CALN1: variants seen among roughly 807,000 people sequenced by gnomAD.
CALN1 encodes calneuron 1.
Under a neutral mutation model 30.6 loss-of-function variants are expected in CALN1, and 17 were observed. The ratio of observed to expected loss-of-function variants is 0.56; its 90% CI spans 0.38 to 0.83. CALN1 has a LOEUF of 0.83. CALN1 is among the 40% of genes least tolerant of loss of function. The pLI is 0.00. For missense variants in CALN1, 291 were observed against 354.9 expected, an observed-to-expected ratio of 0.82 and a Z score of 1.45; for synonymous variants, 156 against 131.4, an observed-to-expected ratio of 1.19 and a Z score of -1.28.
chr7:71,905,382 GTTTTTTTTT>G (rs57155520), intron 5 of CALN1, among the ~76,000 whole-genome samples: 3 of 145,356 alleles, frequency 2.1e-5, no homozygotes, highest in African/African-American at 7.6e-5. Context: ...CTAATGTGTA[GTTTTTTTTT>G]TTTTTATCTC....
chr7:72,330,619 G>A (rs1203168350), intron 2 of CALN1, among the ~76,000 whole-genome samples: 1 of 152,116 alleles, frequency 6.6e-6, no homozygotes, highest in Non-Finnish European at 1.5e-5. Context: ...ATCTCTGTCT[G>A]ACGAATTCAT....
At chr7:71,815,239 C>T (rs986692138) in intron 5 of CALN1, among the ~76,000 whole-genome samples, 2 of 152,112 alleles carry the variant, frequency 1.3e-5, no homozygotes, top group African/African-American at 4.8e-5. Context: ...TTTTTGACTG[C>T]ACGTGGGTCA....
chr7:72,408,675 C>CTTTTTTTTTTTTT lies in CALN1; in HGVS notation c.-74+3370_-74+3382dup, dbSNP rs534883618. On this transcript the variant is annotated intron_variant, in intron 1 of 6. Coordinates refer to ENST00000395275, the MANE Select transcript of CALN1 (RefSeq NM_031468.4). ...AATGACCACCAATTATTATCTTTTC[C>CTTTTTTTTTTTTT]TTTTTTTTTTTTTTTTTTTGAGACA... Among the ~76,000 whole-genome samples, 23 of 77,962 alleles carry CTTTTTTTTTTTTT rather than the reference C, an allele frequency of 3.0e-4. 3 individuals carry two copies. The highest frequency in any genetic ancestry group is 1.1e-3 in the Admixed American group (5 of 4,568). The allele number at this position is 77,962 out of a possible 152,430, so 51.1% of individuals were successfully genotyped here.
intron 5 of CALN1, among the ~76,000 whole-genome samples, chr7:71,849,175 G>A (rs2116573262): frequency 6.6e-6 from 1 of 152,234 alleles, no homozygotes; most frequent in Non-Finnish European, 1.5e-5. Flanking sequence ...ATTTTTATAA[G>A]TGCTGCTGGG....
At chr7:72,345,285 C>T (rs1285602539) in intron 2 of CALN1, among the ~76,000 whole-genome samples, 1 of 135,790 alleles carries the variant, frequency 7.4e-6, no homozygotes, top group Non-Finnish European at 1.5e-5. Flanking sequence ...TTTGAAACTG[C>T]ACATGGTGAA....
intron 3 of CALN1, among the ~76,000 whole-genome samples, chr7:72,196,258 C>G (rs1429640396): frequency 6.6e-6 from 1 of 152,120 alleles, no homozygotes; most frequent in African/African-American, 2.4e-5. Context: ...GCTGGGGCTA[C>G]AGGCGCATAC....
chr7:72,307,495 C>T (rs1311273787), intron 2 of CALN1, among the ~76,000 whole-genome samples: 1 of 152,190 alleles, frequency 6.6e-6, no homozygotes, highest in Non-Finnish European at 1.5e-5. Flanking sequence ...GGGCATTTAA[C>T]GCATCTAATG....
chr7:72,134,238 T>C (rs925499114), intron 3 of CALN1, among the ~76,000 whole-genome samples: 15 of 152,258 alleles, frequency 9.9e-5, no homozygotes, highest in Non-Finnish European at 1.8e-4. Flanking sequence ...GCTGGCACCT[T>C]GATCTTAGAC....
intron 2 of CALN1, chr7:72,336,639 G>A (rs1432367977): frequency 1.6e-5 from 15 of 959,796 alleles, no homozygotes; most frequent in Middle Eastern, 5.2e-4. Context: ...GAGAAGCGAG[G>A]ACCGAGGGAA....
intron 3 of CALN1, among the ~76,000 whole-genome samples, chr7:72,195,554 AT>A (rs1284236318): frequency 1.3e-5 from 2 of 151,952 alleles, no homozygotes; most frequent in Admixed American, 6.6e-5. Flanking sequence ...TTTTAAAAAA[AT>A]TTTTTTAAGG....
intron 3 of CALN1, among the ~76,000 whole-genome samples, chr7:72,197,177 G>GTTTT (rs1585140867): frequency 9.9e-5 from 8 of 81,128 alleles, no homozygotes; most frequent in South Asian, 1.1e-3. Context: ...TGGAAGGTTT[G>GTTTT]CTTTTTTTTT....
At chr7:72,121,456 G>T (rs1428722457) in intron 3 of CALN1, among the ~76,000 whole-genome samples, 2 of 145,936 alleles carry the variant, frequency 1.4e-5, no homozygotes, top group Non-Finnish European at 3.0e-5. Context: ...ATATAGTATA[G>T]ATATATATAA....
chr7:71,975,877 A>T (rs1298923995), intron 5 of CALN1, among the ~76,000 whole-genome samples: 1 of 150,850 alleles, frequency 6.6e-6, no homozygotes, highest in Non-Finnish European at 1.5e-5. Flanking sequence ...AGTACAAAAC[A>T]CATTAGGTTA....
intron 5 of CALN1, among the ~76,000 whole-genome samples, chr7:71,980,527 T>C (rs1798339754): frequency 6.6e-6 from 1 of 152,170 alleles, no homozygotes; most frequent in Non-Finnish European, 1.5e-5. Flanking sequence ...TACAATGGCA[T>C]AGTGTTCCTC....
chr7:72,257,036 A>G (rs766225446), intron 3 of CALN1, among the ~76,000 whole-genome samples: 1 of 152,192 alleles, frequency 6.6e-6, no homozygotes, highest in Non-Finnish European at 1.5e-5. Flanking sequence ...AATAGGTTTA[A>G]TTGACTCACA....
In CALN1 at chr7:72,409,045, G is replaced by A. The variant is rs964560808; in HGVS notation, c.-74+3013C>T. Among the ~76,000 whole-genome samples, 5 of 151,786 alleles carry A rather than the reference G, an allele frequency of 3.3e-5. No individual in the cohort carries two copies. In the East Asian group the frequency reaches 7.8e-4, roughly 24 times the overall value. On this transcript the variant is annotated intron_variant, in intron 1 of 6. Coordinates refer to ENST00000395275, the MANE Select transcript of CALN1 (RefSeq NM_031468.4). ...GAGTCTTGCTCTGTGGCCCACACTA[G>A]ACTGCAGTGGCACTATCTCAGCTTA...
intron 2 of CALN1, among the ~76,000 whole-genome samples, chr7:72,317,668 C>A (rs1352630209): frequency 6.6e-6 from 1 of 152,068 alleles, no homozygotes; most frequent in Non-Finnish European, 1.5e-5. Flanking sequence ...GGAAGTCCCC[C>A]CCAGACTCAG....
chr7:72,248,185 G>A (rs1466138649), intron 3 of CALN1, among the ~76,000 whole-genome samples: 1 of 152,100 alleles, frequency 6.6e-6, no homozygotes, highest in East Asian at 1.9e-4. Flanking sequence ...CACGATCTTG[G>A]CTCACTGCAA....
chr7:71,875,139 T>C (rs551309720), intron 5 of CALN1, among the ~76,000 whole-genome samples: 1 of 119,012 alleles, frequency 8.4e-6, no homozygotes, highest in Non-Finnish European at 1.6e-5. Context: ...TACTCCAGCC[T>C]GGGTAAAGGA....
Sources: gnomAD v4.1 joint callset for allele counts (sites outside exome capture counted in the v4.1 genomes callset) on GRCh38, gnomAD v4.1.1 for gene constraint, MANE v1.5 for transcripts, NCBI Gene and HGNC (gene_info 2026-07-23, HGNC 2026-07-21) for gene names.